TAF8: variants seen among roughly 807,000 people sequenced by gnomAD.
The protein encoded by TAF8 is transcription initiation factor TFIID subunit 8.
In TAF8, 47 loss-of-function variants were observed where a neutral mutation model predicts 36.5. That is an observed-to-expected ratio of 1.29 (90% CI 1.02 to 1.64). The LOEUF (loss-of-function observed/expected upper bound fraction) is 1.64, where lower values mean the gene tolerates loss of function less well. TAF8 is among the 40% of genes most tolerant of loss of function. TAF8 has a pLI of 0.00. For synonymous variants in TAF8, 175 were observed against 159.5 expected (o/e 1.10, Z -0.73); for missense variants, 420 against 407.6 (o/e 1.03, Z -0.26).
intron 5 of TAF8, among the ~76,000 whole-genome samples, chr6:42,062,629 C>T (rs1290004015): frequency 3.3e-5 from 5 of 149,642 alleles, no homozygotes; most frequent in Non-Finnish European, 7.4e-5. Flanking sequence ...CCACCACCTC[C>T]CGGGTTCAAG....
downstream of TAF8, among the ~76,000 whole-genome samples, chr6:42,083,657 C>T (rs1229026227): frequency 6.6e-6 from 1 of 152,168 alleles, no homozygotes; most frequent in Non-Finnish European, 1.5e-5. Context: ...AACATAGTCA[C>T]CGTTCTGTGT....
rs561229720 is a variant in TAF8 at position 42,052,545 on chromosome 6, C to G, written c.202+1032C>G. Among the ~76,000 whole-genome samples the G allele has an allele frequency of 2.0e-5, 3 of 152,340 alleles. No individual in the cohort carries two copies. The South Asian group carries it at 6.2e-4, about 32-fold the overall frequency. On this transcript the variant is annotated intron_variant, in intron 2 of 8. Transcript: ENST00000372977. ...CCATGTTGGCCAGGCTGGTCTTGAA[C>G]TCCTGACCTCAGGTGATCCACCCAC... is the stretch of plus-strand genomic sequence containing the variant.
In TAF8 at chr6:42,081,192, C is replaced by T. The variant is rs112991900; in HGVS notation, c.*3647C>T. 9.2e-5 allele frequency: 11 copies of T among 119,036 alleles called. No individual in the cohort carries two copies. Among genetic ancestry groups the T allele is most frequent in the Non-Finnish European group, 1.5e-4 (9 of 58,266 alleles). 7.4% of individuals were successfully genotyped at this position (119,036 alleles called of 1,614,324 possible). Reference sequence around the variant, plus strand: ...TGGAGTGTGTGTGTGTGTGTGTGTGCGTGTGTGTGCGTGTGAGACAGAGTT... The same window carrying T: ...TGGAGTGTGTGTGTGTGTGTGTGTGTGTGTGTGTGCGTGTGAGACAGAGTT... On this transcript the variant is annotated 3_prime_UTR_variant, in exon 9 of 9. Transcript: ENST00000372977.
At position 42,066,426 on chromosome 6, in the gene TAF8, A is replaced by G; in HGVS notation, c.604A>G (p.Ser202Gly). The change falls in exon 6 of 9, where the codon AGT (serine) becomes GGT (glycine). Residue 202 changes from serine to glycine, a missense_variant. By Grantham distance (56) the Ser-to-Gly change is moderately conservative (BLOSUM62 0). Coordinates refer to ENST00000372977, the MANE Select transcript of TAF8 (RefSeq NM_138572.3). ...RFMAKTGETQ[S>G]LFKDDVSTFP... ...CATGGCCAAGACAGGCGAGACTCAG[A>G]GTCTTTTCAAAGATGACGTCAGCAC... The G allele has an allele frequency of 6.2e-7, 1 of 1,614,224 alleles. No homozygotes were observed. Among genetic ancestry groups the G allele is most frequent in the East Asian group, 2.2e-5 (1 of 44,888 alleles).
Position 42,079,755 on chromosome 6 carries a change from T to C in TAF8, c.*2210T>C, listed in dbSNP as rs1582252855. Reference sequence around the variant, plus strand: ...TTTTAGTAGACACGGGATTTTGCTATGTTGCCCAGGCTGGTCTTGAACTCC... The same window carrying C: ...TTTTAGTAGACACGGGATTTTGCTACGTTGCCCAGGCTGGTCTTGAACTCC... On this transcript the variant is annotated 3_prime_UTR_variant, in exon 9 of 9. Coordinates refer to ENST00000372977, the MANE Select transcript of TAF8 (RefSeq NM_138572.3). 1.4e-6 allele frequency: 1 copy of C among 720,120 alleles called. No homozygotes were observed. The highest frequency in any genetic ancestry group is 1.3e-4 in the East Asian group (1 of 7,550). 44.6% of individuals were successfully genotyped at this position (720,120 alleles called of 1,614,324 possible).
At chr6:42,077,309 G>A in intron 8 of TAF8, 70 bp downstream of exon 8, 2 of 1,557,814 alleles carry the variant, frequency 1.3e-6, no homozygotes, top group Non-Finnish European at 1.7e-6. Context: ...CTTCTTGGAA[G>A]AGTCTCCTCA....
At chr6:42,086,673 C>T (rs1244656037), downstream of TAF8, 1 of 1,549,226 alleles carries the variant, frequency 6.5e-7, no homozygotes, top group Non-Finnish European at 8.7e-7. Context: ...TCCTGACAAT[C>T]CAAATAGAAT....
downstream of TAF8, among the ~76,000 whole-genome samples, chr6:42,083,704 C>CA (rs61693790): frequency 0.14 from 20,697 of 152,094 alleles, 1,486 homozygotes; most frequent in East Asian, 0.24. Context: ...GGGACTCTGC[C>CA]ATCACAGAGG....
rs752423432 is a variant in TAF8, at chr6:42,078,194, A to T, written c.*649A>T. On this transcript the variant is annotated 3_prime_UTR_variant, in exon 9 of 9. Transcript: ENST00000372977. ...CGTGAGCCACCGCACCCCACCAGAG[A>T]CTTTCTTAATCAATCAGGCTATGTG... is the stretch of plus-strand genomic sequence containing the variant. 5.4e-5 allele frequency: 53 copies of T among 985,556 alleles called. No homozygotes were observed. The highest frequency in any genetic ancestry group is 5.8e-5 in the Non-Finnish European group (48 of 830,200). The allele number at this position is 985,556 out of a possible 1,614,324, so 61.1% of individuals were successfully genotyped here.
rs1181020814 is a variant in TAF8 at position 42,051,653 on chromosome 6, A to G, written c.202+140A>G. ...AAAAAAAATTTTTTTTAATGTAAAA[A>G]GTTGAGAAAAGAAAACAGCACAATG... On this transcript the variant is annotated intron_variant, in intron 2 of 8. Coordinates refer to ENST00000372977, the MANE Select transcript of TAF8 (RefSeq NM_138572.3). The G allele has an allele frequency of 1.8e-5, 17 of 952,950 alleles. No homozygotes were observed. In the South Asian group the frequency reaches 2.9e-4, roughly 16 times the overall value. The allele number at this position is 952,950 out of a possible 1,614,324, so 59.0% of individuals were successfully genotyped here.
In TAF8 at chr6:42,079,960, G is replaced by T. The variant is rs1323494562; in HGVS notation, c.*2415G>T. 1 of 984,266 alleles carries T rather than the reference G, an allele frequency of 1.0e-6. No individual in the cohort carries two copies. 61.0% of individuals were successfully genotyped at this position (984,266 alleles called of 1,614,324 possible). A position where few individuals can be genotyped will look rare whatever the true frequency, so the allele number is the denominator to read the frequency against. On this transcript the variant is annotated 3_prime_UTR_variant, in exon 9 of 9. Coordinates refer to ENST00000372977, the MANE Select transcript of TAF8 (RefSeq NM_138572.3). ...GGCCTCACTGTACTGTGTAAGGAAA[G>T]AGCTGCTTGTCAGGAACGGAAGAGG...
rs1267856747 is a variant in TAF8 at position 42,080,004 on chromosome 6, A to T, written c.*2459A>T. The T allele has an allele frequency of 2.7e-5, 27 of 985,092 alleles. No individual in the cohort carries two copies. The highest frequency in any genetic ancestry group is 3.3e-5 in the Non-Finnish European group (27 of 829,866). The allele number at this position is 985,092 out of a possible 1,614,324, so 61.0% of individuals were successfully genotyped here. On this transcript the variant is annotated 3_prime_UTR_variant, in exon 9 of 9. Coordinates refer to ENST00000372977, the MANE Select transcript of TAF8 (RefSeq NM_138572.3). ...GAAGAGGGGACGCTAGTAAAAAAAA[A>T]AAAATTGGATTCCCCAACTGGACTA... is the stretch of plus-strand genomic sequence containing the variant.
downstream of TAF8, chr6:42,086,640 C>G (rs1766032727): frequency 7.1e-7 from 1 of 1,413,366 alleles, no homozygotes; most frequent in African/African-American, 1.4e-5. Flanking sequence ...ATGCCAGAAG[C>G]TGCCCCCTCT....
At chr6:42,061,284 A>G (rs938530840) in intron 5 of TAF8, among the ~76,000 whole-genome samples, 1 of 152,232 alleles carries the variant, frequency 6.6e-6, no homozygotes, top group Admixed American at 6.5e-5. Flanking sequence ...TATCAACATT[A>G]TAGAAGTTTC....
At chr6:42,072,363 T>C (rs555464208) in intron 7 of TAF8, among the ~76,000 whole-genome samples, 8 of 152,286 alleles carry the variant, frequency 5.3e-5, no homozygotes, top group Admixed American at 2.0e-4. Flanking sequence ...AAATGCAGAG[T>C]GTGCAAAAAG....
rs767976216 is a variant in TAF8 at position 42,077,118 on chromosome 6, AAGG to A, written c.802_804del (p.Glu268del). Reference sequence around the variant, plus strand: ...CTCAAAGGAGGATTCTGGAGCCGAGAAGGAGAACACCTCTGTCCTGCAGCAGAA... The same window carrying A: ...CTCAAAGGAGGATTCTGGAGCCGAGAAGAACACCTCTGTCCTGCAGCAGAA... On this transcript the variant is annotated inframe_deletion, in exon 8 of 9. Transcript: ENST00000372977. 3.8e-5 allele frequency: 61 copies of A among 1,612,972 alleles called. No individual in the cohort carries two copies. In the South Asian group the frequency reaches 5.9e-4, roughly 16 times the overall value.
At chr6:42,055,720 C>G (rs767762202) in intron 3 of TAF8, 91 bp downstream of exon 3, 211 of 1,047,288 alleles carry the variant, frequency 2.0e-4, no homozygotes, top group Non-Finnish European at 2.7e-4. Flanking sequence ...CTTGGTTTCC[C>G]TCATGGTTCT....
chr6:42,050,590 A>C lies in TAF8; in HGVS notation c.45+4A>C. ...TGGGGCCGGTGGCTCCGGAACGGTA[A>C]GGGCAGGAAGCGCGGGCTCGGAGCC... On this transcript the variant is annotated splice_donor_region_variant and intron_variant, in intron 1 of 8. Transcript: ENST00000372977. The C allele has an allele frequency of 1.3e-6, 2 of 1,550,916 alleles. No individual in the cohort carries two copies. Among genetic ancestry groups the C allele is most frequent in the Non-Finnish European group, 1.7e-6 (2 of 1,148,476 alleles).
At chr6:42,072,249 A>T (rs1765604703) in intron 7 of TAF8, among the ~76,000 whole-genome samples, 1 of 152,218 alleles carries the variant, frequency 6.6e-6, no homozygotes, top group Non-Finnish European at 1.5e-5. Context: ...TCTGTGAAAA[A>T]TAAAATCAAA....
Sources: allele counts gnomAD v4.1 joint callset (sites outside exome capture counted in the v4.1 genomes callset), GRCh38; gene constraint gnomAD v4.1.1; transcripts MANE v1.5; gene names NCBI Gene and HGNC (gene_info 2026-07-23, HGNC 2026-07-21).